The following MED15 variants were observed in gnomAD, a reference collection of about 807,000 sequenced individuals.
The protein encoded by MED15 is mediator complex subunit 15, also known as mediator of RNA polymerase II transcription subunit 15.
In MED15, 41 loss-of-function variants were observed where a neutral mutation model predicts 118.7. The observed-to-expected ratio is 0.35, with a 90% CI of 0.27 to 0.45. The LOEUF is 0.45. Ranked by LOEUF, MED15 falls within the 20% of genes least tolerant of loss-of-function variation. The probability of loss-of-function intolerance (pLI) is 1.00; values close to 1 mark genes in which losing one functional copy is unlikely to be tolerated. For missense variants in MED15, 740 were observed against 1,025.5 expected, an observed-to-expected ratio of 0.72 and a Z score of 3.80; for synonymous variants, 436 against 413.9, an observed-to-expected ratio of 1.05 and a Z score of -0.65.
intron 2 of MED15, among the ~76,000 whole-genome samples, chr22:20,541,483 A>G (rs2055308870): frequency 1.3e-5 from 2 of 152,190 alleles, no homozygotes; most frequent in African/African-American, 4.8e-5. Context: ...ATGTAGAGAA[A>G]TTGGAATTCT....
rs35805990 is a variant in MED15 at position 20,541,650 on chromosome 22, ATT to A, written c.156+4463_156+4464del. Reference sequence around the variant, plus strand: ...AGGCACACACCATCACACCCAGCTAATTTTTTTTTTTTTTTTTTGAGATGGAG... The same window carrying A: ...AGGCACACACCATCACACCCAGCTAATTTTTTTTTTTTTTTTGAGATGGAG... On this transcript the variant is annotated intron_variant, in intron 2 of 17. Transcript: ENST00000263205. Among the ~76,000 whole-genome samples, 229 of 125,474 alleles carry A rather than the reference ATT, an allele frequency of 1.8e-3. 1 individual carries two copies. Among genetic ancestry groups the A allele is most frequent in the Admixed American group, 4.8e-3 (59 of 12,170 alleles). The allele number at this position is 125,474 out of a possible 152,430, so 82.3% of individuals were successfully genotyped here.
intron 9 of MED15, among the ~76,000 whole-genome samples, chr22:20,575,896 C>T (rs905050843): frequency 2.0e-5 from 3 of 152,182 alleles, no homozygotes; most frequent in African/African-American, 7.2e-5. Flanking sequence ...GTGGACAGCA[C>T]AGACTCCAGA....
chr22:20,583,760 C>T (rs754188743), intron 13 of MED15: 12 of 282,374 alleles, frequency 4.2e-5, no homozygotes, highest in South Asian at 3.6e-4. Context: ...CATGGGCAGG[C>T]GACTGCATCT....
At chr22:20,556,685 A>G (rs1311441071) in intron 5 of MED15, among the ~76,000 whole-genome samples, 1 of 152,210 alleles carries the variant, frequency 6.6e-6, no homozygotes. Flanking sequence ...TGTCAAATCA[A>G]GTAGCCATCA....
At chr22:20,531,971 G>A (rs1273700560) in intron 1 of MED15, among the ~76,000 whole-genome samples, 1 of 152,234 alleles carries the variant, frequency 6.6e-6, no homozygotes, top group Non-Finnish European at 1.5e-5. Flanking sequence ...GGGGCCCTGG[G>A]GAGAGTGTGT....
At chr22:20,575,834 CAAAT>C (rs1488136717) in intron 9 of MED15, among the ~76,000 whole-genome samples, 1 of 151,878 alleles carries the variant, frequency 6.6e-6, no homozygotes, top group Non-Finnish European at 1.5e-5. Flanking sequence ...TCAGTCGCAC[CAAAT>C]AAATTTTAAG....
chr22:20,579,266 C>T (rs1343045201), intron 9 of MED15, among the ~76,000 whole-genome samples: 1 of 152,180 alleles, frequency 6.6e-6, no homozygotes, highest in Non-Finnish European at 1.5e-5. Context: ...GCAGGGGCTG[C>T]TTCTCATCCC....
chr22:20,554,599 C>T (rs771377262), intron 4 of MED15: 22 of 210,740 alleles, frequency 1.0e-4, no homozygotes, highest in Middle Eastern at 3.4e-3. Context: ...AGCAGGAGGG[C>T]TGGACAGCCA....
chr22:20,572,095 T>C (rs2056680532), intron 8 of MED15, among the ~76,000 whole-genome samples: 1 of 152,218 alleles, frequency 6.6e-6, no homozygotes, highest in South Asian at 2.1e-4. Flanking sequence ...AATTTCCGAT[T>C]TTTTGCTATT....
At chr22:20,525,557 A>G (rs1473263254) in intron 1 of MED15, among the ~76,000 whole-genome samples, 3 of 123,870 alleles carry the variant, frequency 2.4e-5, no homozygotes, top group Admixed American at 9.0e-5. Flanking sequence ...TTTTTTTGAG[A>G]CGGAGTTTCA....
intron 1 of MED15, among the ~76,000 whole-genome samples, chr22:20,534,314 G>A (rs2054973451): frequency 6.6e-6 from 1 of 152,008 alleles, no homozygotes; most frequent in African/African-American, 2.4e-5. Flanking sequence ...CCAGGAGTTT[G>A]AGACCAGCCT....
At chr22:20,522,088 T>C (rs748759389) in intron 1 of MED15, 2 of 152,204 alleles carry the variant, frequency 1.3e-5, no homozygotes, top group Non-Finnish European at 2.9e-5. Flanking sequence ...AACTCTTTTA[T>C]TTTGTGCCTA....
Position 20,564,541 on chromosome 22 carries a change from GCAGCAGCAGCAA to G in MED15, c.553_564del (p.Gln185_Gln188del). On this transcript the variant is annotated inframe_deletion, in exon 6 of 18. Coordinates refer to ENST00000263205, the MANE Select transcript of MED15 (RefSeq NM_001003891.3). The stretch of plus-strand genomic sequence containing the variant: ...AGCAGGCGGCGCTACAGCAGCAGCA[GCAGCAGCAGCAA>G]CAGCAGCAGTTCCAGGCTCAGCAGA... 1.2e-6 allele frequency: 2 copies of G among 1,605,840 alleles called. No individual in the cohort carries two copies. The highest frequency in any genetic ancestry group is 1.7e-6 in the Non-Finnish European group (2 of 1,173,670).
Position 20,583,163 on chromosome 22 carries a change from C to A in MED15, c.1588C>A (p.Gln530Lys), listed in dbSNP as rs2057039456. The A allele has an allele frequency of 1.2e-6, 2 of 1,609,468 alleles. No individual in the cohort carries two copies. Among genetic ancestry groups the A allele is most frequent in the African/African-American group, 2.7e-5 (2 of 74,882 alleles). ...SPAGSSQAEE[Q>K]QYLDKLKQLS... ...AGCTGGCTCCAGCCAGGCTGAGGAG[C>A]AGCAGTACCTGGACAAGCTGAAGCA... Residue 530 changes from glutamine (Q) to lysine (K), a missense_variant, in exon 12 of 18, where the codon CAG (glutamine) becomes AAG (lysine). Coordinates refer to ENST00000263205, the MANE Select transcript of MED15 (RefSeq NM_001003891.3).
chr22:20,575,271 C>T (rs765313089), intron 9 of MED15, 39 bp downstream of exon 9: 11 of 1,605,442 alleles, frequency 6.9e-6, no homozygotes, highest in Admixed American at 6.7e-5. Flanking sequence ...GCTGGGAGCT[C>T]GGGGCGTCCT....
rs1436403021 is a variant in MED15 at position 20,566,740 on chromosome 22, T to C, written c.964T>C (p.Ser322Pro). The C allele has an allele frequency of 6.2e-7, 1 of 1,614,186 alleles. No homozygotes were observed. The highest frequency in any genetic ancestry group is 2.2e-5 in the East Asian group (1 of 44,884). The change falls in exon 7 of 18, where the codon TCG (serine) becomes CCG (proline). Residue 322 changes from serine (S) to proline (P), a missense_variant. Transcript: ENST00000263205. ...CCAACCATCACAACTCCCGCCACAG[T>C]CGCAGACCCAGCCTTTGGTGTCACA... ...QNQPSQLPPQ[S>P]QTQPLVSQAQ...
At chr22:20,569,562 C>T (rs1394232159) in intron 8 of MED15, among the ~76,000 whole-genome samples, 2 of 152,160 alleles carry the variant, frequency 1.3e-5, no homozygotes, top group African/African-American at 4.8e-5. Flanking sequence ...CAGGCTTCAT[C>T]TCACGCTTGG....
chr22:20,524,784 G>C (rs1305311234), intron 1 of MED15, among the ~76,000 whole-genome samples: 2 of 152,134 alleles, frequency 1.3e-5, no homozygotes, highest in African/African-American at 4.8e-5. Context: ...ACCATGCCCA[G>C]CTAACTTTTG....
At chr22:20,546,624 C>G (rs1042299747) in intron 2 of MED15, among the ~76,000 whole-genome samples, 1 of 148,170 alleles carries the variant, frequency 6.7e-6, no homozygotes, top group Non-Finnish European at 1.5e-5. Context: ...TCTTTCCAGT[C>G]TAAGGAGTCC....
Sources: allele counts gnomAD v4.1 joint callset (sites outside exome capture counted in the v4.1 genomes callset), GRCh38; gene constraint gnomAD v4.1.1; transcripts MANE v1.5; gene names NCBI Gene and HGNC (gene_info 2026-07-23, HGNC 2026-07-21).